The following PLXNA4 variants were observed in gnomAD, a reference collection of about 807,000 sequenced individuals.
PLXNA4 encodes the protein plexin-A4.
A neutral mutation model predicts 191.8 loss-of-function variants in PLXNA4; 44 were observed. That is an observed-to-expected ratio of 0.23 (90% CI 0.18 to 0.29). PLXNA4 has a LOEUF of 0.29. PLXNA4 is among the 10% of genes least tolerant of loss of function. The probability of loss-of-function intolerance (pLI) is 1.00; values close to 1 mark genes in which losing one functional copy is unlikely to be tolerated. For synonymous variants in PLXNA4, 1,082 were observed against 1,009.5 expected, an observed-to-expected ratio of 1.07 and a Z score of -1.36; for missense variants, 1,800 against 2,488.8, an observed-to-expected ratio of 0.72 and a Z score of 5.89.
At chr7:132,303,659 GA>G (rs1357141040) in intron 3 of PLXNA4, among the ~76,000 whole-genome samples, 1 of 152,182 alleles carries the variant, frequency 6.6e-6, no homozygotes, top group East Asian at 1.9e-4. Context: ...CACCAAGGAG[GA>G]AACCACATCC....
At chr7:132,609,119 T>A (rs62465217) in intron 2 of PLXNA4, among the ~76,000 whole-genome samples, 5 of 152,238 alleles carry the variant, frequency 3.3e-5, no homozygotes, top group African/African-American at 9.6e-5. Flanking sequence ...CCATTCCCAG[T>A]GGGATTCATC....
intron 4 of PLXNA4, among the ~76,000 whole-genome samples, chr7:132,252,309 T>G (rs1429570051): frequency 4.3e-5 from 5 of 115,324 alleles, no homozygotes; most frequent in African/African-American, 1.5e-4. Flanking sequence ...GTTTTTTTTT[T>G]TTTTTTTTTT....
intron 2 of PLXNA4, among the ~76,000 whole-genome samples, chr7:132,597,789 T>C (rs1265325529): frequency 6.6e-6 from 1 of 152,070 alleles, no homozygotes; most frequent in East Asian, 1.9e-4. Context: ...CTTCATTCTG[T>C]TCCTTACTCT....
chr7:132,276,065 A>T (rs1361219264), intron 4 of PLXNA4, among the ~76,000 whole-genome samples: 1 of 152,130 alleles, frequency 6.6e-6, no homozygotes, highest in Non-Finnish European at 1.5e-5. Flanking sequence ...TGACTGTGTT[A>T]TTCCATTATA....
intron 1 of PLXNA4, among the ~76,000 whole-genome samples, chr7:132,563,555 ACTCCTTCTCCTCTTCATCCTCCTC>A (rs1801486182): frequency 4.4e-5 from 1 of 22,758 alleles, no homozygotes; most frequent in African/African-American, 1.7e-4. Flanking sequence ...TCCTTCTCCT[ACTCCTTCTCCTCTTCATCCTCCTC>A]CTCCTTCTCC....
At chr7:132,633,385 C>T (rs1303311113) in intron 2 of PLXNA4, among the ~76,000 whole-genome samples, 1 of 151,774 alleles carries the variant, frequency 6.6e-6, no homozygotes, top group African/African-American at 2.4e-5. Context: ...CAAGTTCAAG[C>T]GATTCCCCTG....
chr7:132,420,079 G>T (rs1276747230), intron 3 of PLXNA4, among the ~76,000 whole-genome samples: 1 of 152,186 alleles, frequency 6.6e-6, no homozygotes, highest in Non-Finnish European at 1.5e-5. Context: ...TCTCTTCAAG[G>T]CTTCTGGCAT....
At position 132,148,546 on chromosome 7, in the gene PLXNA4, G is replaced by A; in HGVS notation, c.4761C>T (p.Tyr1587=). The A allele has an allele frequency of 1.2e-6, 2 of 1,614,008 alleles. No individual in the cohort carries two copies. The highest frequency in any genetic ancestry group is 1.7e-6 in the Non-Finnish European group (2 of 1,179,978). The change falls in exon 26 of 32, where the codon TAC becomes TAT. Residue 1587 remains tyrosine, a synonymous_variant. Coordinates refer to ENST00000321063, the MANE Select transcript of PLXNA4 (RefSeq NM_020911.2). ...DWKRLNTLAH[Y]QVPDGSVVAL... ...CCCCTTTCCACATTCCCCTCACCTG[G>A]TAGTGGGCCAGTGTGTTCAGTCGCT...
intron 2 of PLXNA4, among the ~76,000 whole-genome samples, chr7:132,490,323 G>A (rs937572547): frequency 3.3e-5 from 5 of 151,872 alleles, no homozygotes; most frequent in South Asian, 2.1e-4. Context: ...GATTCATAAC[G>A]ATTAGTTACA....
chr7:132,295,419 C>T (rs1001773687), intron 4 of PLXNA4, among the ~76,000 whole-genome samples: 1 of 152,172 alleles, frequency 6.6e-6, no homozygotes, highest in African/African-American at 2.4e-5. Context: ...AAAGTGCTTT[C>T]CAGGCTGCAC....
chr7:132,335,090 T>C (rs975686936), intron 3 of PLXNA4, among the ~76,000 whole-genome samples: 9 of 152,368 alleles, frequency 5.9e-5, no homozygotes, highest in Non-Finnish European at 1.2e-4. Context: ...CCTTAATCTT[T>C]TGACTATTTA....
chr7:132,353,156 C>T (rs1263028768), intron 3 of PLXNA4, among the ~76,000 whole-genome samples: 2 of 152,086 alleles, frequency 1.3e-5, no homozygotes, highest in African/African-American at 4.8e-5. Flanking sequence ...ATTTTTATGA[C>T]GTTTCTGCTA....
intron 2 of PLXNA4, among the ~76,000 whole-genome samples, chr7:132,609,763 C>T (rs952661323): frequency 1.2e-4 from 18 of 152,360 alleles, no homozygotes; most frequent in African/African-American, 4.3e-4. Context: ...TAAGTTCTTC[C>T]CGCTACACTG....
At chr7:132,214,994 A>T (rs1797921209) in intron 9 of PLXNA4, among the ~76,000 whole-genome samples, 1 of 151,752 alleles carries the variant, frequency 6.6e-6, no homozygotes, top group Non-Finnish European at 1.5e-5. Flanking sequence ...TTTCCTCCCA[A>T]CCCAGGTTGC....
chr7:132,285,925 C>T (rs1257397653), intron 4 of PLXNA4, among the ~76,000 whole-genome samples: 3 of 152,034 alleles, frequency 2.0e-5, no homozygotes, highest in Non-Finnish European at 4.4e-5. Context: ...AAGGCCCACC[C>T]ACCACCCCCA....
At chr7:132,289,529 A>G (rs1045853128) in intron 4 of PLXNA4, among the ~76,000 whole-genome samples, 1 of 151,842 alleles carries the variant, frequency 6.6e-6, no homozygotes, top group Non-Finnish European at 1.5e-5. Flanking sequence ...AAAAAAATTT[A>G]TTTTTATTTA....
At position 132,349,265 on chromosome 7, in the gene PLXNA4, G is replaced by T. The variant is rs139867085; in HGVS notation, c.1372-51043C>A. Among the ~76,000 whole-genome samples, 376 of 152,220 alleles carry T rather than the reference G, an allele frequency of 2.5e-3. 2 individuals carry two copies. Among genetic ancestry groups the T allele is most frequent in the African/African-American group, 8.9e-3 (368 of 41,522 alleles). On this transcript the variant is annotated intron_variant, in intron 3 of 31. Coordinates refer to ENST00000321063, the MANE Select transcript of PLXNA4 (RefSeq NM_020911.2). ...GTTATAAGCCGTGCTATGTATAGAA[G>T]CCACGTCACTCCCTACTGAAATAGA...
At chr7:132,252,846 A>G (rs954822359) in intron 4 of PLXNA4, among the ~76,000 whole-genome samples, 2 of 151,188 alleles carry the variant, frequency 1.3e-5, no homozygotes, top group South Asian at 4.2e-4. Context: ...GGGGCTGGCT[A>G]AAAAAATCGT....
chr7:132,475,024 C>A (rs1585190271), intron 3 of PLXNA4, among the ~76,000 whole-genome samples: 1 of 152,116 alleles, frequency 6.6e-6, no homozygotes, highest in African/African-American at 2.4e-5. Context: ...GAATTTGTCC[C>A]AAACCAGAAG....
Sources: allele counts gnomAD v4.1 joint callset (sites outside exome capture counted in the v4.1 genomes callset), GRCh38; gene constraint gnomAD v4.1.1; transcripts MANE v1.5; gene names NCBI Gene and HGNC (gene_info 2026-07-23, HGNC 2026-07-21).